NCK2: variants seen among roughly 807,000 people sequenced by gnomAD.
The protein encoded by NCK2 is cytoplasmic protein NCK2.
A neutral mutation model predicts 33.9 loss-of-function variants in NCK2; 16 were observed. That is an observed-to-expected ratio of 0.47 (90% CI 0.32 to 0.72). The LOEUF (loss-of-function observed/expected upper bound fraction) is 0.72. Among genes scored for constraint, NCK2 ranks in the 30% least tolerant of loss-of-function variants. The pLI, the probability that NCK2 is intolerant of heterozygous loss-of-function variation, is 0.03. For missense variants in NCK2, 418 were observed against 537.3 expected (o/e 0.78, Z 2.19); for synonymous variants, 273 against 239.9 (o/e 1.14, Z -1.27).
chr2:105,847,671 G>A (rs1676904225), intron 2 of NCK2, among the ~76,000 whole-genome samples: 1 of 152,020 alleles, frequency 6.6e-6, no homozygotes, highest in South Asian at 2.1e-4. Context: ...TGGCAAAGAG[G>A]GAGGAGAATT....
intron 1 of NCK2, among the ~76,000 whole-genome samples, chr2:105,755,943 G>A (rs1261432848): frequency 6.6e-6 from 1 of 152,180 alleles, no homozygotes; most frequent in African/African-American, 2.4e-5. Context: ...CCTCAGGGGA[G>A]AGAGACTAAA....
In NCK2 at chr2:105,855,080, T is replaced by C. The variant is rs201418674; in HGVS notation, c.17T>C (p.Ile6Thr). 1.5e-5 allele frequency: 24 copies of C among 1,614,196 alleles called. No individual in the cohort carries two copies. In the East Asian group the frequency reaches 2.7e-4, roughly 18 times the overall value. Reference sequence around the variant, plus strand: ...CCATGAAAGATGACAGAAGAAGTTATTGTGATAGCCAAGTGGGACTACACC... The same window carrying C: ...CCATGAAAGATGACAGAAGAAGTTACTGTGATAGCCAAGTGGGACTACACC... MTEEV[I>T]VIAKWDYTAQ... Residue 6 changes from isoleucine to threonine, a missense_variant, in exon 3 of 5, where the codon ATT (isoleucine) becomes ACT (threonine). Transcript: ENST00000233154.
chr2:105,816,247 C>T (rs772291952), intron 1 of NCK2, among the ~76,000 whole-genome samples, 183 bp from the exon 2 acceptor site: 2 of 152,100 alleles, frequency 1.3e-5, no homozygotes, highest in Non-Finnish European at 1.5e-5. Flanking sequence ...TGCAAGTTGC[C>T]GTGAAGTAAG....
At chr2:105,890,281 A>G (rs1285919051) in intron 4 of NCK2, among the ~76,000 whole-genome samples, 2 of 152,208 alleles carry the variant, frequency 1.3e-5, no homozygotes, top group African/African-American at 2.4e-5. Context: ...ATTAAAAGCA[A>G]ATTTCCCTTA....
intron 1 of NCK2, among the ~76,000 whole-genome samples, chr2:105,767,539 A>C (rs1689988651): frequency 6.6e-6 from 1 of 152,230 alleles, no homozygotes; most frequent in Non-Finnish European, 1.5e-5. Context: ...GTGTGAATAC[A>C]GTTTTATTAG....
intron 4 of NCK2, among the ~76,000 whole-genome samples, chr2:105,885,748 G>A (rs1678694689): frequency 6.6e-6 from 1 of 151,992 alleles, no homozygotes; most frequent in African/African-American, 2.4e-5. Context: ...ATATATTCTT[G>A]CAGCTGTTAT....
intron 3 of NCK2, among the ~76,000 whole-genome samples, chr2:105,874,602 G>A (rs146983530): frequency 1.9e-4 from 29 of 152,316 alleles, no homozygotes; most frequent in Non-Finnish European, 1.3e-4. Context: ...AGCACACCGC[G>A]TCTAAACGAA....
At chr2:105,817,452 C>G (rs7589790) in intron 2 of NCK2, among the ~76,000 whole-genome samples, 45,882 of 152,078 alleles carry the variant, frequency 0.3, 7,943 homozygotes, top group South Asian at 0.4. Context: ...CCGGTGTTCT[C>G]TTTCTGGCTG....
chr2:105,835,604 C>T (rs1237744750), intron 2 of NCK2, among the ~76,000 whole-genome samples: 1 of 150,784 alleles, frequency 6.6e-6, no homozygotes, highest in Non-Finnish European at 1.5e-5. Context: ...TGCAATGTGC[C>T]TTGGAGAGGA....
At chr2:105,825,301 C>T (rs1573162276) in intron 2 of NCK2, among the ~76,000 whole-genome samples, 1 of 152,302 alleles carries the variant, frequency 6.6e-6, no homozygotes, top group African/African-American at 2.4e-5. Flanking sequence ...TAAGGGCTTT[C>T]ATTTGCGAGT....
chr2:105,793,069 C>T (rs138793077), intron 1 of NCK2, among the ~76,000 whole-genome samples: 1 of 152,068 alleles, frequency 6.6e-6, no homozygotes, highest in Non-Finnish European at 1.5e-5. Context: ...TCAAGCAGTG[C>T]AGGCTTTATA....
chr2:105,891,164 C>T (rs1678956533), intron 4 of NCK2, among the ~76,000 whole-genome samples: 1 of 152,248 alleles, frequency 6.6e-6, no homozygotes, highest in South Asian at 2.1e-4. Flanking sequence ...TACTCTCACA[C>T]ACTCTCAATA....
At chr2:105,817,937 C>T (rs1675558883) in intron 2 of NCK2, among the ~76,000 whole-genome samples, 2 of 151,892 alleles carry the variant, frequency 1.3e-5, no homozygotes, top group Non-Finnish European at 2.9e-5. Context: ...GGGTATATAC[C>T]CAAAGGAATA....
At position 105,857,045 on chromosome 2, in the gene NCK2, T is replaced by TA. The variant is rs1333305365; in HGVS notation, c.226+1756_226+1757insA. On this transcript the variant is annotated intron_variant, in intron 3 of 4. Coordinates refer to ENST00000233154, the MANE Select transcript of NCK2 (RefSeq NM_003581.5). ...TGTGTGTCTTCTTTTTTTTTTTTTT[T>TA]TTTTGTATTTACAAGATTCTAGTAA... 4.2e-4 allele frequency: 34 copies of TA among 81,302 alleles called. No individual in the cohort carries two copies. The East Asian group carries it at 0.012, about 28-fold the overall frequency. The allele number at this position is 81,302 out of a possible 1,614,324, so 5.0% of individuals were successfully genotyped here. A position where few individuals can be genotyped will look rare whatever the true frequency, so the allele number is the denominator to read the frequency against.
chr2:105,781,175 C>T (rs989583524), intron 1 of NCK2, among the ~76,000 whole-genome samples: 2 of 147,464 alleles, frequency 1.4e-5, no homozygotes, highest in African/African-American at 4.9e-5. Flanking sequence ...CTAGAGGTGC[C>T]TTTGTGTTGT....
rs1426368478 is a variant in NCK2, at chr2:105,750,074, A to C, written c.-201+4936A>C. Among the ~76,000 whole-genome samples, 4 of 152,098 alleles carry C rather than the reference A, an allele frequency of 2.6e-5. No individual in the cohort carries two copies. The East Asian group carries it at 7.8e-4, about 30-fold the overall frequency. On this transcript the variant is annotated intron_variant, in intron 1 of 4. Coordinates refer to ENST00000233154, the MANE Select transcript of NCK2 (RefSeq NM_003581.5). ...CACACACACACACACACACAAAACAACAACAACAGAATGGGTGGCTAAAGC... is the reference window on the plus strand; with the variant it reads ...CACACACACACACACACACAAAACACCAACAACAGAATGGGTGGCTAAAGC...
intron 1 of NCK2, among the ~76,000 whole-genome samples, chr2:105,762,690 A>G (rs1482558904): frequency 6.6e-6 from 1 of 152,078 alleles, no homozygotes; most frequent in Non-Finnish European, 1.5e-5. Context: ...AATGGTCACT[A>G]TTTTCCTGTT....
At chr2:105,872,195 C>T (rs1678043299) in intron 3 of NCK2, among the ~76,000 whole-genome samples, 1 of 152,192 alleles carries the variant, frequency 6.6e-6, no homozygotes, top group South Asian at 2.1e-4. Flanking sequence ...GCTCTATGCT[C>T]CTGCCCTGCC....
intron 2 of NCK2, among the ~76,000 whole-genome samples, chr2:105,821,433 C>T (rs1265044600): frequency 6.6e-6 from 1 of 152,154 alleles, no homozygotes; most frequent in African/African-American, 2.4e-5. Flanking sequence ...ACTCTGGACC[C>T]CTGGGTGATC....
Sources: gnomAD v4.1 joint callset for allele counts (sites outside exome capture counted in the v4.1 genomes callset) on GRCh38, gnomAD v4.1.1 for gene constraint, MANE v1.5 for transcripts, NCBI Gene and HGNC (gene_info 2026-07-23, HGNC 2026-07-21) for gene names.